DIAPH2: variants seen among roughly 807,000 people sequenced by gnomAD.
The protein encoded by DIAPH2 is diaphanous related formin 2, also known as protein diaphanous homolog 2.
Under a neutral mutation model 92.7 loss-of-function variants are expected in DIAPH2, and 35 were observed. That is an observed-to-expected ratio of 0.38 (90% CI 0.29 to 0.50). The LOEUF (loss-of-function observed/expected upper bound fraction) is 0.50, where lower values mean the gene tolerates loss of function less well. DIAPH2 is among the 20% of genes least tolerant of loss of function. DIAPH2 has a pLI of 0.94. For synonymous variants in DIAPH2, 301 were observed against 280.4 expected (o/e 1.07, Z -0.73); for missense variants, 701 against 819.5 (o/e 0.86, Z 1.77).
chrX:96,766,682 G>A (rs1048611249), intron 4 of DIAPH2, among the ~76,000 whole-genome samples: 1 of 111,842 alleles, frequency 8.9e-6, no homozygotes, highest in Admixed American at 9.5e-5. Flanking sequence ...CAGAGATTAC[G>A]TACATTGGTC....
intron 24 of DIAPH2, among the ~76,000 whole-genome samples, chrX:97,359,527 C>G (rs2069302206): frequency 9.7e-6 from 1 of 103,035 alleles, no homozygotes; most frequent in Non-Finnish European, 2.0e-5. Flanking sequence ...TCATGGAATA[C>G]AGTCTCCTAA....
In DIAPH2 at chrX:96,939,260, T is replaced by G. The variant is rs1207818269; in HGVS notation, c.1209-6T>G. On this transcript the variant is annotated splice_region_variant and splice_polypyrimidine_tract_variant and intron_variant, in intron 11 of 26. Coordinates refer to ENST00000324765, the MANE Select transcript of DIAPH2 (RefSeq NM_006729.5). ...GGATCTTTAATATTTTTCCTTTACT[T>G]TCTACTGATATGAATGAAGTCTACC... The G allele has an allele frequency of 2.2e-6, 2 of 890,862 alleles. No individual in the cohort carries two copies. The highest frequency in any genetic ancestry group is 3.2e-6 in the Non-Finnish European group (2 of 621,343). The allele number at this position is 890,862 out of a possible 1,213,427, so 73.4% of individuals were successfully genotyped here. A position where few individuals can be genotyped will look rare whatever the true frequency, so the allele number is the denominator to read the frequency against.
At chrX:96,713,707 T>C (rs1224675237) in intron 1 of DIAPH2, among the ~76,000 whole-genome samples, 1 of 112,115 alleles carries the variant, frequency 8.9e-6, no homozygotes, top group Non-Finnish European at 1.9e-5. Flanking sequence ...TTTTGCCTTT[T>C]CCAGAATGAC....
At chrX:96,898,901 G>T (rs2065369397) in intron 5 of DIAPH2, among the ~76,000 whole-genome samples, 1 of 108,439 alleles carries the variant, frequency 9.2e-6, no homozygotes, top group Non-Finnish European at 1.9e-5. Context: ...ATTAATTTTT[G>T]TATAAGGTGT....
At chrX:97,200,398 A>T (rs1206460687) in intron 22 of DIAPH2, among the ~76,000 whole-genome samples, 1 of 16,633 alleles carries the variant, frequency 6.0e-5, no homozygotes, top group East Asian at 2.4e-3. Context: ...GGTCTCGCTC[A>T]GCAGGTCCCA....
At chrX:96,721,593 T>C (rs1465335241) in intron 1 of DIAPH2, among the ~76,000 whole-genome samples, 1 of 112,327 alleles carries the variant, frequency 8.9e-6, no homozygotes, top group Non-Finnish European at 1.9e-5. Context: ...GAAAGTAAAC[T>C]ATGTAAATGA....
chrX:96,977,396 A>G, intron 17 of DIAPH2, among the ~76,000 whole-genome samples: 1 of 111,922 alleles, frequency 8.9e-6, no homozygotes, highest in Admixed American at 9.5e-5. Flanking sequence ...TCTTCATGTC[A>G]TTAGGCATTT....
intron 1 of DIAPH2, among the ~76,000 whole-genome samples, chrX:96,695,158 C>T (rs1602431824): frequency 9.0e-6 from 1 of 111,474 alleles, no homozygotes; most frequent in East Asian, 2.8e-4. Flanking sequence ...GCCATTTTGG[C>T]CAGGCTGGTC....
chrX:97,445,956 C>A (rs779428942), intron 26 of DIAPH2, among the ~76,000 whole-genome samples: 2 of 109,513 alleles, frequency 1.8e-5, no homozygotes, highest in South Asian at 8.2e-4. Flanking sequence ...TCCAAATAAA[C>A]CCTCTCTTAA....
chrX:97,217,895 G>A (rs1402298647), intron 22 of DIAPH2, among the ~76,000 whole-genome samples: 1 of 110,848 alleles, frequency 9.0e-6, no homozygotes, highest in Non-Finnish European at 1.9e-5. Flanking sequence ...GCAGTGAGCC[G>A]AGATCGTGCC....
chrX:97,506,138 CTTTTTTTTTTTT>C (rs11385451), intron 26 of DIAPH2, among the ~76,000 whole-genome samples: 367 of 28,101 alleles, frequency 0.013, 5 homozygotes, highest in African/African-American at 0.046. Context: ...TATCTAGTGC[CTTTTTTTTTTTT>C]TTTTTTTTTT....
intron 17 of DIAPH2, among the ~76,000 whole-genome samples, chrX:96,988,296 A>C (rs1452510884): frequency 9.0e-6 from 1 of 110,963 alleles, no homozygotes; most frequent in African/African-American, 3.3e-5. Context: ...ATGATGGGAA[A>C]GTACTTAGGT....
chrX:96,723,484 G>A (rs191782716), intron 1 of DIAPH2, among the ~76,000 whole-genome samples: 6 of 111,859 alleles, frequency 5.4e-5, no homozygotes, highest in African/African-American at 9.7e-5. Context: ...TTTACACCTC[G>A]TGTTAGAATG....
At chrX:96,961,320 GTC>G (rs746953196) in intron 16 of DIAPH2, among the ~76,000 whole-genome samples, 124 of 108,257 alleles carry the variant, frequency 1.1e-3, no homozygotes, top group Non-Finnish European at 1.8e-3. Context: ...GTCCATAGTA[GTC>G]TCTGATATCT....
chrX:96,766,528 C>T (rs1160079983), intron 4 of DIAPH2, among the ~76,000 whole-genome samples: 4 of 111,025 alleles, frequency 3.6e-5, no homozygotes, highest in Non-Finnish European at 5.7e-5. Context: ...TGGTGAAAAC[C>T]AGGTACAAAA....
chrX:97,277,735 T>C (rs1041513523), intron 23 of DIAPH2, among the ~76,000 whole-genome samples: 2 of 112,198 alleles, frequency 1.8e-5, no homozygotes, highest in Non-Finnish European at 3.8e-5. Flanking sequence ...AATCTGAATG[T>C]TGATTGTCAG....
Position 97,390,208 on chromosome X carries a change from C to CTTTTTT in DIAPH2, c.3145+6188_3145+6193dup, listed in dbSNP as rs142044871. 6.0e-4 allele frequency among the ~76,000 whole-genome samples: 20 copies of CTTTTTT among 33,187 alleles called. 3 individuals carry two copies. Among genetic ancestry groups the CTTTTTT allele is most frequent in the Admixed American group, 3.8e-3 (6 of 1,584 alleles). 28.8% of individuals were successfully genotyped at this position (33,187 alleles called of 115,157 possible). A position where few individuals can be genotyped will look rare whatever the true frequency, so the allele number is the denominator to read the frequency against. On this transcript the variant is annotated intron_variant, in intron 25 of 26. Transcript: ENST00000324765. ...GTTTATCTTTTTCCCTGCTTTCTGT[C>CTTTTTT]TTTTTTTTTTTTTTTTTTTTTTTTT...
chrX:97,141,893 G>C, intron 22 of DIAPH2, 99 bp downstream of exon 22: 1 of 939,385 alleles, frequency 1.1e-6, no homozygotes, highest in Admixed American at 3.6e-5. Flanking sequence ...AGTATTTTTT[G>C]TTTGTTTACT....
At chrX:96,952,427 T>G (rs1450730548) in intron 15 of DIAPH2, among the ~76,000 whole-genome samples, 1 of 112,175 alleles carries the variant, frequency 8.9e-6, no homozygotes, top group African/African-American at 3.2e-5. Context: ...AAACATTTGC[T>G]TCAGCTTACT....
Sources: allele counts gnomAD v4.1 joint callset (sites outside exome capture counted in the v4.1 genomes callset), GRCh38; gene constraint gnomAD v4.1.1; transcripts MANE v1.5; gene names NCBI Gene and HGNC (gene_info 2026-07-23, HGNC 2026-07-21).